The following GRID2 variants were observed in gnomAD, a reference collection of about 807,000 sequenced individuals.
The protein encoded by GRID2 is glutamate ionotropic receptor delta type subunit 2, also known as glutamate receptor ionotropic, delta-2.
A neutral mutation model predicts 114.8 loss-of-function variants in GRID2; 33 were observed. That is an observed-to-expected ratio of 0.29 (90% CI 0.22 to 0.38). The LOEUF (loss-of-function observed/expected upper bound fraction) is 0.38. Among genes scored for constraint, GRID2 ranks in the 10% least tolerant of loss-of-function variants. The pLI, the probability that GRID2 is intolerant of heterozygous loss-of-function variation, is 1.00. For missense variants in GRID2, 1,184 were observed against 1,257.7 expected (o/e 0.94, Z 0.89); for synonymous variants, 505 against 449.9 (o/e 1.12, Z -1.55).
chr4:92,869,853 T>A (rs928413685), intron 2 of GRID2, among the ~76,000 whole-genome samples: 3 of 152,156 alleles, frequency 2.0e-5, no homozygotes, highest in Non-Finnish European at 2.9e-5. Context: ...CAGACCACCT[T>A]AACTTCAACT....
chr4:93,173,745 T>G (rs1343521446), intron 4 of GRID2, among the ~76,000 whole-genome samples: 5 of 152,074 alleles, frequency 3.3e-5, no homozygotes, highest in Admixed American at 6.6e-5. Flanking sequence ...TCCTCCAACC[T>G]CATCCTCCCA....
chr4:92,852,265 C>A (rs1743871573), intron 2 of GRID2, among the ~76,000 whole-genome samples: 1 of 151,786 alleles, frequency 6.6e-6, no homozygotes, highest in Non-Finnish European at 1.5e-5. Flanking sequence ...CTCATCTTTA[C>A]CTTTTTTTCT....
chr4:92,857,973 A>G (rs1258875500), intron 2 of GRID2, among the ~76,000 whole-genome samples: 5 of 152,312 alleles, frequency 3.3e-5, no homozygotes, highest in South Asian at 2.1e-4. Context: ...CCTGTGTTCT[A>G]TAAATGGAAC....
chr4:92,979,137 A>G (rs953312230), intron 2 of GRID2, among the ~76,000 whole-genome samples: 1 of 152,158 alleles, frequency 6.6e-6, no homozygotes, highest in African/African-American at 2.4e-5. Context: ...ACAAATTGTG[A>G]TGGGTCATTG....
At chr4:93,648,726 C>T (rs1372039743) in intron 14 of GRID2, among the ~76,000 whole-genome samples, 4 of 152,176 alleles carry the variant, frequency 2.6e-5, no homozygotes, top group Admixed American at 6.5e-5. Context: ...CCAGGTGATG[C>T]TGTGCTGCTG....
exon 2 of GRID2, chr4:93,807,091 C>T (rs1379933701): frequency 1.3e-5 from 2 of 152,286 alleles, no homozygotes; most frequent in East Asian, 1.9e-4. Flanking sequence ...CTTTCAGCCA[C>T]AGGTCATGGA....
chr4:92,784,388 C>T (rs1455948430), intron 2 of GRID2, among the ~76,000 whole-genome samples: 1 of 151,778 alleles, frequency 6.6e-6, no homozygotes, highest in African/African-American at 2.4e-5. Flanking sequence ...TCAATGACTA[C>T]CTGTTCATCC....
intron 2 of GRID2, among the ~76,000 whole-genome samples, chr4:92,904,257 T>C (rs1054119015): frequency 6.6e-6 from 1 of 151,046 alleles, no homozygotes; most frequent in South Asian, 2.1e-4. Context: ...AAAGTTTAAG[T>C]TTCAAAGCAT....
chr4:93,762,743 T>C (rs1733318238), intron 14 of GRID2, among the ~76,000 whole-genome samples: 1 of 152,110 alleles, frequency 6.6e-6, no homozygotes, highest in Non-Finnish European at 1.5e-5. Flanking sequence ...TCATTAAGAA[T>C]GCAGAGCAGC....
chr4:92,678,760 G>A (rs909734238), intron 2 of GRID2, among the ~76,000 whole-genome samples: 7 of 151,802 alleles, frequency 4.6e-5, no homozygotes, highest in East Asian at 3.9e-4. Context: ...CGTTTGCTAT[G>A]TATCGGATAC....
At chr4:93,595,193 A>G (rs1418642015) in intron 13 of GRID2, among the ~76,000 whole-genome samples, 1 of 152,180 alleles carries the variant, frequency 6.6e-6, no homozygotes, top group Non-Finnish European at 1.5e-5. Context: ...AGCCTCCTGT[A>G]ATATCCCTTT....
chr4:92,659,406 T>G (rs1732410671), intron 2 of GRID2, among the ~76,000 whole-genome samples: 1 of 151,498 alleles, frequency 6.6e-6, no homozygotes, highest in Non-Finnish European at 1.5e-5. Context: ...AGCAATTACA[T>G]CACTTTGGTG....
At chr4:92,338,938 T>C (rs1270948729) in intron 1 of GRID2, among the ~76,000 whole-genome samples, 1 of 152,068 alleles carries the variant, frequency 6.6e-6, no homozygotes, top group East Asian at 1.9e-4. Context: ...AGTTAATGAG[T>C]TAATGTTTAT....
chr4:93,238,971 C>T (rs906464476), intron 8 of GRID2, among the ~76,000 whole-genome samples: 10 of 151,052 alleles, frequency 6.6e-5, no homozygotes, highest in Non-Finnish European at 1.3e-4. Flanking sequence ...AAAATGAACT[C>T]TTGTTGGATA....
intron 13 of GRID2, among the ~76,000 whole-genome samples, chr4:93,536,083 A>G (rs1477502783): frequency 3.9e-5 from 6 of 152,000 alleles, no homozygotes; most frequent in Non-Finnish European, 1.5e-5. Flanking sequence ...AAGTTAACCC[A>G]TATTGGTGGA....
At chr4:93,543,786 T>C (rs779887947) in intron 13 of GRID2, among the ~76,000 whole-genome samples, 3 of 151,742 alleles carry the variant, frequency 2.0e-5, no homozygotes, top group African/African-American at 4.8e-5. Context: ...CAGAAACTTA[T>C]GGCAGCACAG....
intron 2 of GRID2, among the ~76,000 whole-genome samples, chr4:92,904,816 AGAG>A (rs1293304422): frequency 1.3e-5 from 2 of 152,050 alleles, no homozygotes; most frequent in Non-Finnish European, 2.9e-5. Context: ...AGATTAATGA[AGAG>A]GAGATTTTAT....
At chr4:93,634,209 A>G (rs1312286727) in intron 14 of GRID2, among the ~76,000 whole-genome samples, 1 of 152,190 alleles carries the variant, frequency 6.6e-6, no homozygotes, top group East Asian at 1.9e-4. Context: ...GAAGGTTAGA[A>G]TAAAAATGGT....
intron 8 of GRID2, among the ~76,000 whole-genome samples, chr4:93,377,961 C>T (rs1234340019): frequency 6.6e-6 from 1 of 151,976 alleles, no homozygotes; most frequent in African/African-American, 2.4e-5. Flanking sequence ...TTTATAATTT[C>T]AACTTTTACG....
Sources: allele counts gnomAD v4.1 joint callset (sites outside exome capture counted in the v4.1 genomes callset), GRCh38; gene constraint gnomAD v4.1.1; transcripts MANE v1.5; gene names NCBI Gene and HGNC (gene_info 2026-07-23, HGNC 2026-07-21).